The following CYRIB variants were observed in gnomAD, a reference collection of about 807,000 sequenced individuals.
The protein encoded by CYRIB is CYFIP-related Rac1 interactor B.
A neutral mutation model predicts 44.2 loss-of-function variants in CYRIB; 8 were observed. The ratio of observed to expected loss-of-function variants is 0.18; its 90% CI spans 0.11 to 0.33. The LOEUF (loss-of-function observed/expected upper bound fraction) is 0.33. Ranked by LOEUF, CYRIB falls within the 10% of genes least tolerant of loss-of-function variation. The pLI, the probability that CYRIB is intolerant of heterozygous loss-of-function variation, is 1.00. For synonymous variants in CYRIB, 131 were observed against 127.2 expected (o/e 1.03, Z -0.20); for missense variants, 185 against 382.8 (o/e 0.48, Z 4.31).
At chr8:129,927,746 T>A (rs1254635747) in intron 1 of CYRIB, among the ~76,000 whole-genome samples, 1 of 152,206 alleles carries the variant, frequency 6.6e-6, no homozygotes, top group Non-Finnish European at 1.5e-5. Flanking sequence ...AGAATTTTCA[T>A]TATTAAAATA....
At chr8:129,883,453 C>G (rs937356077) in intron 2 of CYRIB, among the ~76,000 whole-genome samples, 20 of 152,174 alleles carry the variant, frequency 1.3e-4, no homozygotes, top group Non-Finnish European at 2.9e-5. Context: ...CAGCTCATAT[C>G]ACAATGTCTC....
At chr8:129,925,513 G>A (rs1720174172) in intron 1 of CYRIB, among the ~76,000 whole-genome samples, 3 of 152,128 alleles carry the variant, frequency 2.0e-5, no homozygotes, top group African/African-American at 7.2e-5. Context: ...TCTCCTCTGG[G>A]AATCCAGCCT....
upstream of CYRIB, among the ~76,000 whole-genome samples, chr8:129,943,311 G>A (rs2130952341): frequency 6.6e-6 from 1 of 152,150 alleles, no homozygotes; most frequent in South Asian, 2.1e-4. Flanking sequence ...CTTTGGCCAG[G>A]TGCAGTGGCT....
intron 1 of CYRIB, among the ~76,000 whole-genome samples, chr8:129,998,560 G>A (rs987103427): frequency 4.6e-5 from 7 of 152,112 alleles, no homozygotes; most frequent in African/African-American, 1.2e-4. Flanking sequence ...CACTGCTGAC[G>A]AAATTTCCCA....
At chr8:129,973,926 T>C (rs922055803) in intron 1 of CYRIB, among the ~76,000 whole-genome samples, 2 of 152,188 alleles carry the variant, frequency 1.3e-5, no homozygotes, top group African/African-American at 4.8e-5. Context: ...CTTATCCGTC[T>C]CCTCCAAGAG....
At chr8:129,870,320 C>T (rs1018258829) in intron 4 of CYRIB, among the ~76,000 whole-genome samples, 3 of 152,184 alleles carry the variant, frequency 2.0e-5, no homozygotes, top group Non-Finnish European at 2.9e-5. Flanking sequence ...TGAGGCAAGA[C>T]GATCACTTGA....
intron 1 of CYRIB, among the ~76,000 whole-genome samples, chr8:129,908,693 G>GTCT (rs1001364372): frequency 3.3e-5 from 5 of 152,058 alleles, no homozygotes; most frequent in African/African-American, 9.7e-5. Context: ...AGAAAACCAT[G>GTCT]TCTAACAGCA....
intron 1 of CYRIB, among the ~76,000 whole-genome samples, chr8:129,987,720 C>T (rs572638206): frequency 6.6e-5 from 10 of 152,078 alleles, no homozygotes; most frequent in Admixed American, 2.0e-4. Flanking sequence ...CACAGGCAGG[C>T]GCCACCTCGC....
At chr8:129,972,257 C>T (rs943035586) in intron 1 of CYRIB, among the ~76,000 whole-genome samples, 1 of 152,132 alleles carries the variant, frequency 6.6e-6, no homozygotes, top group Non-Finnish European at 1.5e-5. Flanking sequence ...TTCACATTCC[C>T]TTTTAAATAA....
At chr8:129,904,399 C>T (rs1427878711) in intron 1 of CYRIB, 100 bp downstream of exon 3, 2 of 152,134 alleles carry the variant, frequency 1.3e-5, no homozygotes, top group Admixed American at 1.3e-4. Flanking sequence ...ATAAATACCA[C>T]CTTCTTCCCA....
chr8:129,883,442 G>T (rs1349717367), intron 2 of CYRIB, among the ~76,000 whole-genome samples: 2 of 152,046 alleles, frequency 1.3e-5, no homozygotes, highest in East Asian at 3.8e-4. Context: ...TGCTACATAG[G>T]CAGCTCATAT....
At chr8:129,868,597 T>C (rs917375527) in intron 4 of CYRIB, 5 of 152,140 alleles carry the variant, frequency 3.3e-5, no homozygotes, top group African/African-American at 1.2e-4. Flanking sequence ...ATGTCTTGTA[T>C]TTCCTCAGGA....
chr8:129,927,109 C>T (rs943795208), intron 1 of CYRIB, among the ~76,000 whole-genome samples: 4 of 151,852 alleles, frequency 2.6e-5, no homozygotes, highest in African/African-American at 9.7e-5. Context: ...ATGGTAAAAC[C>T]CTGTCTCTAC....
At chr8:129,984,925 C>A (rs2096395190) in intron 1 of CYRIB, among the ~76,000 whole-genome samples, 1 of 152,212 alleles carries the variant, frequency 6.6e-6, no homozygotes, top group Admixed American at 6.5e-5. Context: ...CAGGCATGTA[C>A]CACCACGCCA....
In CYRIB at chr8:129,977,100, C is replaced by T. The variant is rs983762149; in HGVS notation, c.-295-6105G>A. 5.3e-5 allele frequency among the ~76,000 whole-genome samples: 8 copies of T among 152,170 alleles called. 1 individual carries two copies. Among genetic ancestry groups the T allele is most frequent in the Non-Finnish European group, 2.9e-5 (2 of 68,040 alleles). ...CAAGTGATCCACCCACCTCGGCCTC[C>T]CAAAGTGCTAGGATTACAGGCGTGA... On this transcript the variant is annotated intron_variant, in intron 1 of 14. Transcript: ENST00000401979.
intron 1 of CYRIB, among the ~76,000 whole-genome samples, chr8:129,911,172 T>C (rs1183797893): frequency 6.6e-6 from 1 of 152,232 alleles, no homozygotes; most frequent in African/African-American, 2.4e-5. Context: ...TTTTTCTAAG[T>C]ACTTCCTATG....
At chr8:129,998,492 G>A (rs1263323773) in intron 1 of CYRIB, among the ~76,000 whole-genome samples, 1 of 152,156 alleles carries the variant, frequency 6.6e-6, no homozygotes, top group African/African-American at 2.4e-5. Flanking sequence ...CACAATTAAG[G>A]ACAATAATGG....
chr8:129,980,724 G>A (rs1356636902), intron 1 of CYRIB, among the ~76,000 whole-genome samples: 1 of 151,974 alleles, frequency 6.6e-6, no homozygotes, highest in East Asian at 1.9e-4. Context: ...GCTCACGCCT[G>A]TAACCCCAGC....
exon 12 of CYRIB, chr8:129,842,097 C>T (rs768992845): frequency 2.8e-6 from 4 of 1,422,166 alleles, no homozygotes; most frequent in Admixed American, 3.7e-5. Context: ...TCAGTCATTG[C>T]AGAATACTGT....
Sources: gnomAD v4.1 joint callset for allele counts (sites outside exome capture counted in the v4.1 genomes callset) on GRCh38, gnomAD v4.1.1 for gene constraint, MANE v1.5 for transcripts, NCBI Gene and HGNC (gene_info 2026-07-23, HGNC 2026-07-21) for gene names.